Variants in CCDC102B observed in about 807,000 individuals in gnomAD.
The protein encoded by CCDC102B is coiled-coil domain-containing protein 102B.
A neutral mutation model predicts 57.4 loss-of-function variants in CCDC102B; 75 were observed. The observed-to-expected ratio is 1.31, with a 90% CI of 1.08 to 1.58. The LOEUF (loss-of-function observed/expected upper bound fraction) is 1.58, where lower values mean the gene tolerates loss of function less well. CCDC102B is among the 40% of genes most tolerant of loss of function. CCDC102B has a pLI of 0.00. For synonymous variants in CCDC102B, 206 were observed against 201.9 expected, an observed-to-expected ratio of 1.02 and a Z score of -0.17; for missense variants, 636 against 582.6, an observed-to-expected ratio of 1.09 and a Z score of -0.94.
At chr18:68,772,288 CA>C (rs1399680465) in intron 2 of CCDC102B, among the ~76,000 whole-genome samples, 3 of 151,794 alleles carry the variant, frequency 2.0e-5, no homozygotes, top group Non-Finnish European at 2.9e-5. Context: ...GTTGCCAGCA[CA>C]AGGTGAAATG....
chr18:68,971,201 A>G (rs1220129379), intron 6 of CCDC102B, among the ~76,000 whole-genome samples: 1 of 152,030 alleles, frequency 6.6e-6, no homozygotes, highest in Non-Finnish European at 1.5e-5. Context: ...ATCTATCCTT[A>G]GTACGTAGAC....
At chr18:68,836,624 C>CA (rs74175335) in intron 1 of CCDC102B, 125 bp from the exon 2 acceptor site, 183,482 of 466,768 alleles carry the variant, frequency 0.39, 16,136 homozygotes, top group East Asian at 0.47. Flanking sequence ...AAGACTCTGT[C>CA]AAAAATAAAA....
intron 2 of CCDC102B, among the ~76,000 whole-genome samples, chr18:68,765,317 G>GAAAAA (rs770470803): frequency 4.4e-5 from 2 of 45,644 alleles, no homozygotes; most frequent in East Asian, 2.5e-3. Context: ...AGGAAGGAAG[G>GAAAAA]AAGGAAGGAA....
intron 6 of CCDC102B, among the ~76,000 whole-genome samples, chr18:68,954,438 A>C (rs2049789170): frequency 6.6e-6 from 1 of 152,168 alleles, no homozygotes; most frequent in Non-Finnish European, 1.5e-5. Flanking sequence ...AAATAATAAT[A>C]AAGAAGAATG....
intron 7 of CCDC102B, among the ~76,000 whole-genome samples, chr18:69,026,463 A>G (rs1225024384): frequency 6.6e-6 from 1 of 151,632 alleles, no homozygotes; most frequent in Non-Finnish European, 1.5e-5. Flanking sequence ...GTCTCAAAAA[A>G]AAAAAAAAAA....
At chr18:68,916,150 A>AATAGATAG (rs34998141) in intron 6 of CCDC102B, among the ~76,000 whole-genome samples, 51 of 151,220 alleles carry the variant, frequency 3.4e-4, no homozygotes, top group South Asian at 6.3e-4. Context: ...TAAGAGAATA[A>AATAGATAG]ATAGATAGAT....
At chr18:68,773,665 G>T (rs958808558) in intron 2 of CCDC102B, among the ~76,000 whole-genome samples, 1 of 151,838 alleles carries the variant, frequency 6.6e-6, no homozygotes, top group African/African-American at 2.4e-5. Flanking sequence ...TACGTAAAAT[G>T]CAAAGTATAT....
intron 5 of CCDC102B, among the ~76,000 whole-genome samples, chr18:68,885,205 G>T (rs947274586): frequency 6.6e-6 from 1 of 152,118 alleles, no homozygotes; most frequent in Non-Finnish European, 1.5e-5. Flanking sequence ...ATTTGGAGTT[G>T]AAAGTTGAAT....
upstream of CCDC102B, among the ~76,000 whole-genome samples, chr18:68,796,995 A>C (rs991138618): frequency 6.6e-6 from 1 of 152,100 alleles, no homozygotes; most frequent in African/African-American, 2.4e-5. Context: ...GACTGAATTA[A>C]AAGTAAAGTT....
intron 6 of CCDC102B, among the ~76,000 whole-genome samples, chr18:69,009,319 T>C (rs2051436264): frequency 6.6e-6 from 1 of 152,148 alleles, no homozygotes; most frequent in Admixed American, 6.5e-5. Context: ...TACGCCCAGA[T>C]TGTGATGAGA....
chr18:69,050,703 T>C (rs913850640), intron 7 of CCDC102B, among the ~76,000 whole-genome samples: 12 of 152,144 alleles, frequency 7.9e-5, no homozygotes, highest in African/African-American at 2.7e-4. Context: ...TGAAACTTGC[T>C]CTTAGACACA....
chr18:68,852,643 G>C (rs1238234906), intron 4 of CCDC102B, among the ~76,000 whole-genome samples: 2 of 151,988 alleles, frequency 1.3e-5, no homozygotes, highest in African/African-American at 4.8e-5. Context: ...ATATTAGATT[G>C]ATTGAATCCA....
chr18:68,939,922 C>A (rs943585450), intron 6 of CCDC102B, among the ~76,000 whole-genome samples: 2 of 151,780 alleles, frequency 1.3e-5, no homozygotes, highest in Non-Finnish European at 3.0e-5. Context: ...CTTGTCAATT[C>A]TGTTAGGTGC....
At chr18:68,816,148 T>TAG (rs1281789532) in intron 1 of CCDC102B, among the ~76,000 whole-genome samples, 10 of 152,216 alleles carry the variant, frequency 6.6e-5, no homozygotes. Context: ...CACTGAAGAT[T>TAG]TGGTACTAGT....
At chr18:68,715,347 T>TA (rs2031878232) in exon 1 of CCDC102B, 1 of 817,302 alleles carries the variant, frequency 1.2e-6, no homozygotes, top group Non-Finnish European at 1.6e-6. Context: ...CGGTGAAAGT[T>TA]ATGCTGAGGG....
At chr18:68,967,147 G>T (rs370822021) in intron 6 of CCDC102B, among the ~76,000 whole-genome samples, 1 of 143,166 alleles carries the variant, frequency 7.0e-6, no homozygotes, top group Non-Finnish European at 1.5e-5. Flanking sequence ...AAAGCTAGTC[G>T]TGCCTCTTTT....
chr18:68,795,210 G>C (rs1222401732), upstream of CCDC102B, among the ~76,000 whole-genome samples: 3 of 152,050 alleles, frequency 2.0e-5, no homozygotes, highest in Non-Finnish European at 4.4e-5. Flanking sequence ...GATGGGGCTA[G>C]ATTGAGATTA....
intron 1 of CCDC102B, among the ~76,000 whole-genome samples, chr18:68,829,653 C>A (rs1334136030): frequency 6.6e-6 from 1 of 151,928 alleles, no homozygotes; most frequent in East Asian, 1.9e-4. Flanking sequence ...TACCGCATTT[C>A]ACTGACATAA....
intron 4 of CCDC102B, among the ~76,000 whole-genome samples, chr18:68,867,941 A>G (rs2039075312): frequency 6.6e-6 from 1 of 152,096 alleles, no homozygotes; most frequent in Non-Finnish European, 1.5e-5. Context: ...TCTCAAAACA[A>G]AACAAAAAAA....
Sources: gnomAD v4.1 joint callset for allele counts (sites outside exome capture counted in the v4.1 genomes callset) on GRCh38, gnomAD v4.1.1 for gene constraint, MANE v1.5 for transcripts, NCBI Gene and HGNC (gene_info 2026-07-23, HGNC 2026-07-21) for gene names.